Variants in ALG14 observed in about 807,000 individuals in gnomAD.
The protein encoded by ALG14 is ALG14 UDP-N-acetylglucosaminyltransferase subunit.
ALG14 carries 17 observed loss-of-function variants against 22.8 expected under a neutral mutation model. The ratio of observed to expected loss-of-function variants is 0.75; its 90% confidence interval spans 0.51 to 1.12. The LOEUF (loss-of-function observed/expected upper bound fraction) is 1.12. Ranked by LOEUF, ALG14 falls within the 50% of genes most tolerant of loss-of-function variation. The pLI is 0.00. For missense variants in ALG14, 288 were observed against 271.8 expected (o/e 1.06, Z -0.42); for synonymous variants, 89 against 103.7 (o/e 0.86, Z 0.86).
chr1:95,003,746 C>T (rs1000126856), intron 3 of ALG14, among the ~76,000 whole-genome samples: 2 of 152,096 alleles, frequency 1.3e-5, no homozygotes, highest in African/African-American at 4.8e-5. Flanking sequence ...AGGGATGAGC[C>T]ACCATGCCCA....
Position 94,978,051 on chromosome 1 carries a change from G to A in ALG14, c.*5025C>T, listed in dbSNP as rs1425330790. The A allele has an allele frequency of 6.6e-6, 1 of 151,112 alleles. No homozygotes were observed. The highest frequency in any genetic ancestry group is 2.4e-5 in the African/African-American group (1 of 41,082). 9.4% of individuals were successfully genotyped at this position (151,112 alleles called of 1,614,324 possible). A position where few individuals can be genotyped will look rare whatever the true frequency, so the allele number is the denominator to read the frequency against. On this transcript the variant is annotated 3_prime_UTR_variant, in exon 4 of 4. Coordinates refer to ENST00000370205, the MANE Select transcript of ALG14 (RefSeq NM_144988.4). ...AACTGAAGTGAGCCTAGACAAGTCT[G>A]AAGCTATAATTTTTTTCTTTTTTTT...
chr1:95,017,995 C>T (rs1673551475), intron 3 of ALG14, among the ~76,000 whole-genome samples: 1 of 152,098 alleles, frequency 6.6e-6, no homozygotes, highest in East Asian at 1.9e-4. Flanking sequence ...CTTCTCATTA[C>T]TCCTATTTGA....
chr1:95,018,428 C>T (rs756732327), intron 3 of ALG14, among the ~76,000 whole-genome samples: 5 of 151,794 alleles, frequency 3.3e-5, no homozygotes, highest in African/African-American at 4.8e-5. Context: ...CCCTGCTACT[C>T]GGGAGGTTGA....
rs1253872195 is a variant in ALG14, at chr1:95,042,391, C to T, written c.289-15131G>A. On this transcript the variant is annotated intron_variant, in intron 2 of 3. Coordinates refer to ENST00000370205, the MANE Select transcript of ALG14 (RefSeq NM_144988.4). ...TCGTCAGACTCTTCGCGTTATTTAT[C>T]ATTCCTGTTACTTTCTTGGCACCAT... 2.0e-5 allele frequency among the ~76,000 whole-genome samples: 3 copies of T among 152,256 alleles called. No homozygotes were observed. The East Asian group carries it at 5.8e-4, about 29-fold the overall frequency.
Position 94,983,008 on chromosome 1 carries a change from T to C in ALG14, c.*68A>G, listed in dbSNP as rs946171388. 3 of 1,380,444 alleles carry C rather than the reference T, an allele frequency of 2.2e-6. No individual in the cohort carries two copies. Among genetic ancestry groups the C allele is most frequent in the Admixed American group, 1.8e-5 (1 of 56,738 alleles). The allele number at this position is 1,380,444 out of a possible 1,614,324, so 85.5% of individuals were successfully genotyped here. On this transcript the variant is annotated 3_prime_UTR_variant, in exon 4 of 4. Transcript: ENST00000370205. ...GCCTTTACAAGAAACATGTAGGGTTTTTTTCCCCCCAATTTGAGTACATAC... is the reference window on the plus strand; with the variant it reads ...GCCTTTACAAGAAACATGTAGGGTTCTTTTCCCCCCAATTTGAGTACATAC...
At chr1:95,025,974 C>T (rs1391430116) in intron 3 of ALG14, among the ~76,000 whole-genome samples, 1 of 152,096 alleles carries the variant, frequency 6.6e-6, no homozygotes, top group Non-Finnish European at 1.5e-5. Flanking sequence ...GCTCTGTCGC[C>T]CAGGCTGGAG....
At chr1:95,026,397 C>T (rs1673815616) in intron 3 of ALG14, among the ~76,000 whole-genome samples, 1 of 151,946 alleles carries the variant, frequency 6.6e-6, no homozygotes, top group Non-Finnish European at 1.5e-5. Flanking sequence ...TGAGAGGCCA[C>T]TGCAGGGTTA....
chr1:94,996,036 G>A (rs12081706), intron 3 of ALG14, among the ~76,000 whole-genome samples: 2,998 of 152,306 alleles, frequency 0.02, 112 homozygotes, highest in African/African-American at 0.069. Flanking sequence ...CAAAAGACAA[G>A]AGCATTGGTA....
At chr1:95,063,297 T>C (rs1280584507) in intron 2 of ALG14, among the ~76,000 whole-genome samples, 1 of 152,216 alleles carries the variant, frequency 6.6e-6, no homozygotes, top group Non-Finnish European at 1.5e-5. Flanking sequence ...TTTAGTTTAA[T>C]TAGATCACAT....
At chr1:95,022,955 T>C (rs1412166408) in intron 3 of ALG14, among the ~76,000 whole-genome samples, 2 of 152,198 alleles carry the variant, frequency 1.3e-5, no homozygotes, top group African/African-American at 4.8e-5. Context: ...CAAGAGTTAA[T>C]TGCCTCTTCT....
intron 3 of ALG14, among the ~76,000 whole-genome samples, chr1:95,021,381 G>A (rs1259500430): frequency 3.3e-5 from 5 of 152,102 alleles, no homozygotes; most frequent in East Asian, 3.8e-4. Flanking sequence ...TTCCCATGAC[G>A]CTTCCCTACT....
intron 2 of ALG14, among the ~76,000 whole-genome samples, chr1:95,030,785 A>G (rs1287872483): frequency 2.6e-5 from 4 of 152,176 alleles, no homozygotes; most frequent in Non-Finnish European, 5.9e-5. Flanking sequence ...AAGAAAGTCT[A>G]CATCTCATCC....
chr1:94,983,694 T>G, intron 3 of ALG14: 1 of 175,348 alleles, frequency 5.7e-6, no homozygotes, highest in South Asian at 1.5e-4. Context: ...TTTTCTTTAA[T>G]GTACCAACTT....
intron 2 of ALG14, among the ~76,000 whole-genome samples, chr1:95,056,022 CAAAACA>C (rs971625400): frequency 1.3e-4 from 18 of 134,936 alleles, no homozygotes; most frequent in Admixed American, 4.4e-4. Context: ...AAAAAAAAAA[CAAAACA>C]AAAACAAAAA....
chr1:94,995,409 G>A (rs1672883511), intron 3 of ALG14, among the ~76,000 whole-genome samples: 1 of 152,148 alleles, frequency 6.6e-6, no homozygotes, highest in Non-Finnish European at 1.5e-5. Context: ...CTCTTGGTGT[G>A]CTTAAAGAAC....
intron 2 of ALG14, among the ~76,000 whole-genome samples, chr1:95,033,410 T>C (rs560028065): frequency 3.1e-5 from 4 of 130,630 alleles, no homozygotes; most frequent in African/African-American, 5.7e-5. Context: ...TACATATATA[T>C]ATATATATAT....
chr1:94,996,867 A>C (rs1672922087), intron 3 of ALG14, among the ~76,000 whole-genome samples: 1 of 151,984 alleles, frequency 6.6e-6, no homozygotes, highest in Non-Finnish European at 1.5e-5. Context: ...TTTTTAGTAG[A>C]GACAGGGTTT....
Position 94,983,002 on chromosome 1 carries a change from A to C in ALG14, c.*74T>G. The C allele has an allele frequency of 8.0e-7, 1 of 1,256,606 alleles. No individual in the cohort carries two copies. The allele number at this position is 1,256,606 out of a possible 1,614,324, so 77.8% of individuals were successfully genotyped here. The stretch of plus-strand genomic sequence containing the variant: ...TCAGACGCCTTTACAAGAAACATGT[A>C]GGGTTTTTTTCCCCCCAATTTGAGT... On this transcript the variant is annotated 3_prime_UTR_variant, in exon 4 of 4. Coordinates refer to ENST00000370205, the MANE Select transcript of ALG14 (RefSeq NM_144988.4).
At chr1:95,022,607 A>G (rs962706721) in intron 3 of ALG14, among the ~76,000 whole-genome samples, 1 of 152,242 alleles carries the variant, frequency 6.6e-6, no homozygotes, top group African/African-American at 2.4e-5. Flanking sequence ...AGGACTGGGC[A>G]ACAGAGGAGC....
Sources: allele counts gnomAD v4.1 joint callset (sites outside exome capture counted in the v4.1 genomes callset), GRCh38; gene constraint gnomAD v4.1.1; transcripts MANE v1.5; gene names NCBI Gene and HGNC (gene_info 2026-07-23, HGNC 2026-07-21).